CSMD1: variants seen among roughly 807,000 people sequenced by gnomAD.
CSMD1 encodes the protein CUB and sushi domain-containing protein 1.
In CSMD1, 213 loss-of-function variants were observed where a neutral mutation model predicts 417.5. The ratio of observed to expected loss-of-function variants is 0.51; its 90% CI spans 0.46 to 0.57. The LOEUF (loss-of-function observed/expected upper bound fraction) is 0.57, where lower values mean the gene tolerates loss of function less well. Ranked by LOEUF, CSMD1 falls within the 20% of genes least tolerant of loss-of-function variation. The probability of loss-of-function intolerance (pLI) is 0.00; values close to 1 mark genes in which losing one functional copy is unlikely to be tolerated. For synonymous variants in CSMD1, 2,862 were observed against 1,736.8 expected (o/e 1.65, Z -16.11); for missense variants, 6,923 against 4,529.7 (o/e 1.53, Z -15.17).
intron 20 of CSMD1, among the ~76,000 whole-genome samples, chr8:3,366,519 C>T (rs1200192653): frequency 6.6e-6 from 1 of 152,096 alleles, no homozygotes; most frequent in Non-Finnish European, 1.5e-5. Flanking sequence ...TGTTACCTAA[C>T]TTGGAGTATT....
chr8:3,478,951 G>A (rs772659171), intron 11 of CSMD1, among the ~76,000 whole-genome samples: 18 of 151,836 alleles, frequency 1.2e-4, no homozygotes, highest in Admixed American at 7.9e-4. Flanking sequence ...AATAGGTGAC[G>A]GGGCACTGCA....
chr8:4,541,425 T>G (rs1021318652), intron 2 of CSMD1, among the ~76,000 whole-genome samples: 1 of 152,204 alleles, frequency 6.6e-6, no homozygotes, highest in South Asian at 2.1e-4. Context: ...CACTTCTAAG[T>G]GGGCTCCACT....
intron 3 of CSMD1, among the ~76,000 whole-genome samples, chr8:4,067,253 T>C (rs1439092636): frequency 6.6e-6 from 1 of 152,244 alleles, no homozygotes; most frequent in Admixed American, 6.5e-5. Context: ...CAGATAATTA[T>C]GAAAACTAAG....
At chr8:4,051,122 G>C (rs73658556) in intron 3 of CSMD1, among the ~76,000 whole-genome samples, 5,774 of 139,180 alleles carry the variant, frequency 0.041, 349 homozygotes, top group African/African-American at 0.12. Context: ...CCAGGAAAAA[G>C]AAAAGAAAAG....
chr8:4,027,591 C>G (rs913203967), intron 4 of CSMD1, among the ~76,000 whole-genome samples: 9 of 152,132 alleles, frequency 5.9e-5, no homozygotes, highest in Non-Finnish European at 1.3e-4. Context: ...GAGGCCTCCG[C>G]AGCCATGCAG....
At chr8:3,122,875 A>T (rs1478303635) in intron 41 of CSMD1, among the ~76,000 whole-genome samples, 1 of 152,142 alleles carries the variant, frequency 6.6e-6, no homozygotes, top group East Asian at 1.9e-4. Flanking sequence ...TAGCTACATT[A>T]TATACAATAG....
chr8:3,583,419 G>C (rs1384931492), intron 9 of CSMD1, among the ~76,000 whole-genome samples: 2 of 151,970 alleles, frequency 1.3e-5, no homozygotes, highest in Non-Finnish European at 2.9e-5. Flanking sequence ...GGATACTCTT[G>C]ATGGGACTTG....
rs149158441 is a variant in CSMD1, at chr8:4,635,922, AGAT to A, written c.302+1417_302+1419del. On this transcript the variant is annotated intron_variant, in intron 2 of 69. Coordinates refer to ENST00000635120, the MANE Select transcript of CSMD1 (RefSeq NM_033225.6). ...GAAAGGTAAACATGCTACTAAAAACAGATAATAGATATTGTAGATGACTCAGAA... is the reference window on the plus strand; with the variant it reads ...GAAAGGTAAACATGCTACTAAAAACAAATAGATATTGTAGATGACTCAGAA... 4.4e-3 allele frequency among the ~76,000 whole-genome samples: 667 copies of A among 152,246 alleles called. 2 individuals are homozygous for A. The highest frequency in any genetic ancestry group is 0.015 in the African/African-American group (642 of 41,582).
intron 5 of CSMD1, among the ~76,000 whole-genome samples, chr8:3,889,052 G>C (rs1274037808): frequency 6.6e-6 from 1 of 151,986 alleles, no homozygotes. Context: ...CTTAAAAGGA[G>C]CTTAATATGT....
chr8:4,128,322 T>C (rs1365390493), intron 3 of CSMD1, among the ~76,000 whole-genome samples: 1 of 152,116 alleles, frequency 6.6e-6, no homozygotes, highest in Non-Finnish European at 1.5e-5. Context: ...TAGGGTCAGT[T>C]TTTAATGAGG....
chr8:4,642,960 C>T (rs1340028681), intron 1 of CSMD1, among the ~76,000 whole-genome samples: 1 of 152,170 alleles, frequency 6.6e-6, no homozygotes, highest in East Asian at 1.9e-4. Context: ...GGAAACGAGT[C>T]ATTTGAGAAA....
intron 2 of CSMD1, among the ~76,000 whole-genome samples, chr8:4,505,227 GA>G (rs1802457527): frequency 6.6e-6 from 1 of 152,160 alleles, no homozygotes; most frequent in African/African-American, 2.4e-5. Flanking sequence ...TTGATTTGTA[GA>G]GAAAGTTTTT....
chr8:3,542,701 C>A (rs1798491008), intron 10 of CSMD1, among the ~76,000 whole-genome samples: 1 of 152,196 alleles, frequency 6.6e-6, no homozygotes. Flanking sequence ...TCAAGAATAA[C>A]TGTCAAATGT....
chr8:4,560,085 G>A (rs953466792), intron 2 of CSMD1, among the ~76,000 whole-genome samples: 9 of 152,324 alleles, frequency 5.9e-5, no homozygotes, highest in Middle Eastern at 3.4e-3. Context: ...CAGAGGCCTC[G>A]TGCTTGGGCC....
chr8:4,443,368 G>T lies in CSMD1; in HGVS notation c.303-23303C>A, dbSNP rs529488498. 7.4e-4 allele frequency among the ~76,000 whole-genome samples: 113 copies of T among 152,222 alleles called. No homozygotes were observed. In the Middle Eastern group the frequency reaches 0.014, roughly 18 times the overall value. On this transcript the variant is annotated intron_variant, in intron 2 of 69. Coordinates refer to ENST00000635120, the MANE Select transcript of CSMD1 (RefSeq NM_033225.6). ...CATACACACTGGTCTTTGAAACAAC[G>T]GCTTTGATAACAAAGGCAACAAAAC...
chr8:4,421,840 A>C lies in CSMD1; in HGVS notation c.303-1775T>G, dbSNP rs542257837. On this transcript the variant is annotated intron_variant, in intron 2 of 69. Transcript: ENST00000635120. ...AAACAAGAAAAGTACAGAAATCAATAAAATTGAAAGAAAAAAGAACAAATA... is the reference window on the plus strand; with the variant it reads ...AAACAAGAAAAGTACAGAAATCAATCAAATTGAAAGAAAAAAGAACAAATA... Among the ~76,000 whole-genome samples, 3 of 152,114 alleles carry C rather than the reference A, an allele frequency of 2.0e-5. No individual in the cohort carries two copies. The South Asian group carries it at 6.2e-4, about 31-fold the overall frequency.
rs571143077 is a variant in CSMD1 at position 3,033,549 on chromosome 8, C to T, written c.7661-4036G>A. ...TCATTTATAAGTGGGAGTTGAACAA[C>T]GAGAACACATGGACACAGGGAGGGG... is the stretch of plus-strand genomic sequence containing the variant. On this transcript the variant is annotated intron_variant, in intron 50 of 69. Transcript: ENST00000635120. Among the ~76,000 whole-genome samples the T allele has an allele frequency of 6.2e-4, 94 of 151,974 alleles. 2 individuals carry two copies. The highest frequency in any genetic ancestry group is 2.3e-3 in the Admixed American group (35 of 15,238).
intron 3 of CSMD1, among the ~76,000 whole-genome samples, chr8:4,114,691 G>A (rs777025813): frequency 3.9e-5 from 6 of 152,130 alleles, no homozygotes; most frequent in Non-Finnish European, 8.8e-5. Context: ...CATGGGAGGA[G>A]GTCAAAATTT....
chr8:3,926,051 T>TATACACGCACACACACACAAACACC (rs1809654056), intron 5 of CSMD1, among the ~76,000 whole-genome samples: 1 of 76,614 alleles, frequency 1.3e-5, no homozygotes, highest in Non-Finnish European at 2.4e-5. Flanking sequence ...ACAAACACCA[T>TATACACGCACACACACACAAACACC]ATACACACAC....
Sources: gnomAD v4.1 joint callset for allele counts (sites outside exome capture counted in the v4.1 genomes callset) on GRCh38, gnomAD v4.1.1 for gene constraint, MANE v1.5 for transcripts, NCBI Gene and HGNC (gene_info 2026-07-23, HGNC 2026-07-21) for gene names.